Variants in DMRT1 observed in about 807,000 individuals in gnomAD.
DMRT1 encodes the protein doublesex- and mab-3-related transcription factor 1.
Under a neutral mutation model 32.3 loss-of-function variants are expected in DMRT1, and 7 were observed. The ratio of observed to expected loss-of-function variants is 0.22; its 90% CI spans 0.12 to 0.41. The LOEUF (loss-of-function observed/expected upper bound fraction) is 0.41, where lower values mean the gene tolerates loss of function less well. Ranked by LOEUF, DMRT1 falls within the 10% of genes least tolerant of loss-of-function variation. The pLI, the probability that DMRT1 is intolerant of heterozygous loss-of-function variation, is 1.00. For synonymous variants in DMRT1, 278 were observed against 206.1 expected (o/e 1.35, Z -2.99); for missense variants, 625 against 500.5 (o/e 1.25, Z -2.37).
chr9:880,724 C>CAAAAAAAAAAAA (rs754419367), intron 2 of DMRT1, among the ~76,000 whole-genome samples: 2 of 62,042 alleles, frequency 3.2e-5, no homozygotes, highest in Non-Finnish European at 7.0e-5. Flanking sequence ...AACTCAGTCT[C>CAAAAAAAAAAAA]AAAAAAAAAA....
At chr9:851,666 G>GA (rs755827422) in intron 2 of DMRT1, among the ~76,000 whole-genome samples, 13 of 152,310 alleles carry the variant, frequency 8.5e-5, no homozygotes, top group Non-Finnish European at 1.9e-4. Context: ...AGGACACTTA[G>GA]AAGGAAATTA....
chr9:895,383 A>G (rs1817314140), intron 3 of DMRT1, among the ~76,000 whole-genome samples: 1 of 152,176 alleles, frequency 6.6e-6, no homozygotes, highest in Non-Finnish European at 1.5e-5. Flanking sequence ...TCCAAGTGAA[A>G]GACATTAGGA....
chr9:896,281 TTTTC>T (rs1178291692), intron 3 of DMRT1, among the ~76,000 whole-genome samples: 60 of 150,248 alleles, frequency 4.0e-4, no homozygotes, highest in Middle Eastern at 6.8e-3. Context: ...TTTTCTTGTC[TTTTC>T]TTTTTTTTTT....
At chr9:951,928 G>C (rs1040984984) in intron 4 of DMRT1, among the ~76,000 whole-genome samples, 2 of 152,184 alleles carry the variant, frequency 1.3e-5, no homozygotes, top group African/African-American at 2.4e-5. Flanking sequence ...CAGGAAGGGA[G>C]GGGGGCCAGT....
At chr9:906,040 C>T (rs866205851) in intron 3 of DMRT1, among the ~76,000 whole-genome samples, 1 of 75,098 alleles carries the variant, frequency 1.3e-5, no homozygotes, top group Middle Eastern at 0.01. Flanking sequence ...CCCACACACA[C>T]ACACACACAC....
At chr9:941,866 T>G (rs1819085015) in intron 4 of DMRT1, among the ~76,000 whole-genome samples, 1 of 152,252 alleles carries the variant, frequency 6.6e-6, no homozygotes, top group Non-Finnish European at 1.5e-5. Flanking sequence ...GATTCTTATA[T>G]TCCTGGAATA....
intron 2 of DMRT1, among the ~76,000 whole-genome samples, chr9:888,608 T>C (rs72699258): frequency 0.014 from 2,072 of 152,236 alleles, 33 homozygotes; most frequent in Middle Eastern, 0.058. Flanking sequence ...CCTCATTTGT[T>C]GTATACTTTT....
At chr9:896,507 G>T (rs1049517937) in intron 3 of DMRT1, among the ~76,000 whole-genome samples, 1 of 151,862 alleles carries the variant, frequency 6.6e-6, no homozygotes, top group African/African-American at 2.4e-5. Context: ...CTGATTCTGT[G>T]AGGTTGACTT....
intron 4 of DMRT1, among the ~76,000 whole-genome samples, chr9:936,723 C>T (rs1279743272): frequency 6.7e-6 from 1 of 148,502 alleles, no homozygotes; most frequent in African/African-American, 2.5e-5. Flanking sequence ...CATTGCACTC[C>T]AGCCTGGGCA....
intron 2 of DMRT1, among the ~76,000 whole-genome samples, chr9:863,231 T>C (rs544947900): frequency 3.3e-5 from 5 of 149,368 alleles, no homozygotes; most frequent in African/African-American, 1.2e-4. Context: ...GGTGGGAGGA[T>C]TGCCTGACCC....
At chr9:878,200 G>GCCCAC (rs1554749478) in intron 2 of DMRT1, among the ~76,000 whole-genome samples, 1 of 94,040 alleles carries the variant, frequency 1.1e-5, no homozygotes, top group African/African-American at 4.3e-5. Context: ...TGCAGCTGCT[G>GCCCAC]CCCCCCCCCC....
At chr9:930,822 G>A (rs1013443811) in intron 4 of DMRT1, among the ~76,000 whole-genome samples, 3 of 152,144 alleles carry the variant, frequency 2.0e-5, no homozygotes, top group African/African-American at 7.2e-5. Flanking sequence ...TTACAGACAT[G>A]AGCCATTGTG....
intron 4 of DMRT1, among the ~76,000 whole-genome samples, chr9:950,209 A>G (rs1226585783): frequency 6.6e-6 from 1 of 152,146 alleles, no homozygotes. Flanking sequence ...CCTGCAACTC[A>G]GTTGATGCCT....
chr9:897,220 C>G (rs956949006), intron 3 of DMRT1, among the ~76,000 whole-genome samples: 1 of 151,864 alleles, frequency 6.6e-6, no homozygotes, highest in African/African-American at 2.4e-5. Context: ...TCAAGTGATT[C>G]TCCTGCCTCA....
chr9:934,623 T>A (rs1818827643), intron 4 of DMRT1, among the ~76,000 whole-genome samples: 1 of 152,226 alleles, frequency 6.6e-6, no homozygotes, highest in Non-Finnish European at 1.5e-5. Flanking sequence ...TTTTAGCTCT[T>A]AGGTTTAATC....
At chr9:945,645 A>T (rs1819216609) in intron 4 of DMRT1, among the ~76,000 whole-genome samples, 1 of 152,138 alleles carries the variant, frequency 6.6e-6, no homozygotes, top group South Asian at 2.1e-4. Flanking sequence ...TGTATAGTTA[A>T]GACAGCTTTA....
chr9:862,229 C>G (rs1019206787), intron 2 of DMRT1, among the ~76,000 whole-genome samples: 3 of 151,960 alleles, frequency 2.0e-5, no homozygotes, highest in Non-Finnish European at 4.4e-5. Context: ...ACTGAGTGAG[C>G]GAGACTCCGT....
chr9:869,014 AAATAAT>A (rs1816114546), intron 2 of DMRT1, among the ~76,000 whole-genome samples: 1 of 152,150 alleles, frequency 6.6e-6, no homozygotes, highest in African/African-American at 2.4e-5. Flanking sequence ...CTATCTGAAA[AAATAAT>A]AATAATAAAA....
In DMRT1 at chr9:894,226, G is replaced by A. The variant is rs767318311; in HGVS notation, c.822+31G>A. The stretch of plus-strand genomic sequence containing the variant: ...ATATTAATTACCCAGAGAGTGAACT[G>A]GTTGTGTGAAAGCCACATGCATGTG... On this transcript the variant is annotated intron_variant, in intron 3 of 4. Transcript: ENST00000382276. 3.7e-6 allele frequency: 6 copies of A among 1,610,742 alleles called. No homozygotes were observed. In the Admixed American group the frequency reaches 8.3e-5, roughly 22 times the overall value.
Sources: allele counts gnomAD v4.1 joint callset (sites outside exome capture counted in the v4.1 genomes callset), GRCh38; gene constraint gnomAD v4.1.1; transcripts MANE v1.5; gene names NCBI Gene and HGNC (gene_info 2026-07-23, HGNC 2026-07-21).